USP46: variants seen among roughly 807,000 people sequenced by gnomAD.
The protein encoded by USP46 is ubiquitin specific peptidase 46, also known as ubiquitin carboxyl-terminal hydrolase 46.
Under a neutral mutation model 44.4 loss-of-function variants are expected in USP46, and 12 were observed. The ratio of observed to expected loss-of-function variants is 0.27; its 90% CI spans 0.17 to 0.44. The LOEUF is 0.44. Among genes scored for constraint, USP46 ranks in the 20% least tolerant of loss-of-function variants. USP46 has a pLI of 1.00. For missense variants in USP46, 248 were observed against 444.8 expected (o/e 0.56, Z 3.98); for synonymous variants, 155 against 161.5 (o/e 0.96, Z 0.31).
chr4:52,607,115 TC>T (rs774561027), intron 5 of USP46, among the ~76,000 whole-genome samples: 1 of 152,208 alleles, frequency 6.6e-6, no homozygotes, highest in Non-Finnish European at 1.5e-5. Context: ...AATCATTCAT[TC>T]CTACTCATTC....
At chr4:52,646,009 C>T (rs934613244) in intron 1 of USP46, among the ~76,000 whole-genome samples, 1 of 152,178 alleles carries the variant, frequency 6.6e-6, no homozygotes, top group African/African-American at 2.4e-5. Flanking sequence ...CCCAGTCATG[C>T]TTCCTGTTAA....
At chr4:52,656,378 T>C in intron 1 of USP46, 1 of 1,541,820 alleles carries the variant, frequency 6.5e-7, no homozygotes, top group Non-Finnish European at 8.8e-7. Context: ...AAGACAGCAG[T>C]TTCCTCATAC....
intron 1 of USP46, among the ~76,000 whole-genome samples, chr4:52,642,150 C>T (rs577126757): frequency 6.6e-6 from 1 of 152,146 alleles, no homozygotes; most frequent in African/African-American, 2.4e-5. Context: ...TCAGAAGACA[C>T]CTGACAGAAT....
chr4:52,606,148 G>A (rs1036220662), intron 5 of USP46, among the ~76,000 whole-genome samples: 1 of 152,098 alleles, frequency 6.6e-6, no homozygotes, highest in African/African-American at 2.4e-5. Flanking sequence ...AATATTTGTT[G>A]GTTGAATGAA....
chr4:52,654,115 C>T (rs1365782075), intron 1 of USP46, among the ~76,000 whole-genome samples: 1 of 152,118 alleles, frequency 6.6e-6, no homozygotes, highest in Non-Finnish European at 1.5e-5. Flanking sequence ...TGTCAGGTCC[C>T]GACCTAATAT....
rs1034124256 is a variant in USP46, at chr4:52,591,783, T to C, written c.*5857A>G. 6.6e-6 allele frequency: 1 copy of C among 152,204 alleles called. No homozygotes were observed. 9.4% of individuals were successfully genotyped at this position (152,204 alleles called of 1,614,324 possible). A position where few individuals can be genotyped will look rare whatever the true frequency, so the allele number is the denominator to read the frequency against. On this transcript the variant is annotated 3_prime_UTR_variant, in exon 9 of 9. Coordinates refer to ENST00000441222, the MANE Select transcript of USP46 (RefSeq NM_022832.4). The stretch of plus-strand genomic sequence containing the variant: ...GCACCAATAAATCGCTTATGCCCTA[T>C]CTTATTTTGGTAAGTCTAGATAGGC...
At chr4:52,620,416 G>A (rs545529753) in intron 4 of USP46, among the ~76,000 whole-genome samples, 12 of 151,956 alleles carry the variant, frequency 7.9e-5, no homozygotes, top group Admixed American at 6.6e-5. Flanking sequence ...TCTTCTTCAC[G>A]GCATCTTGCA....
In USP46 at chr4:52,595,105, C is replaced by T. The variant is rs1052047776; in HGVS notation, c.*2535G>A. 1.3e-5 allele frequency: 2 copies of T among 152,534 alleles called. No homozygotes were observed. The highest frequency in any genetic ancestry group is 2.4e-5 in the African/African-American group (1 of 41,420). 9.4% of individuals were successfully genotyped at this position (152,534 alleles called of 1,614,324 possible). On this transcript the variant is annotated 3_prime_UTR_variant, in exon 9 of 9. Transcript: ENST00000441222. Reference sequence around the variant, plus strand: ...AGCAGTTACAAGAAATACAGCAGGCCTACTCACTCCTGCAGATGACACACG... The same window carrying T: ...AGCAGTTACAAGAAATACAGCAGGCTTACTCACTCCTGCAGATGACACACG...
At chr4:52,601,807 A>T in intron 7 of USP46, 50 bp downstream of exon 7, 2 of 1,565,708 alleles carry the variant, frequency 1.3e-6, no homozygotes, top group Non-Finnish European at 1.7e-6. Flanking sequence ...TTCAGCGAAG[A>T]GGCAACCCTT....
chr4:52,620,691 A>G (rs562198532), intron 4 of USP46, among the ~76,000 whole-genome samples: 15 of 152,354 alleles, frequency 9.8e-5, no homozygotes, highest in Non-Finnish European at 2.1e-4. Flanking sequence ...GTAAAGTGGT[A>G]TAACCATTTT....
intron 1 of USP46, among the ~76,000 whole-genome samples, chr4:52,657,591 T>A (rs977883842): frequency 1.3e-5 from 2 of 152,130 alleles, no homozygotes; most frequent in Admixed American, 1.3e-4. Context: ...GATTCACAGT[T>A]CCCTCAGGAA....
At chr4:52,609,855 A>C (rs779693251) in intron 5 of USP46, among the ~76,000 whole-genome samples, 4 of 138,872 alleles carry the variant, frequency 2.9e-5, no homozygotes, top group Non-Finnish European at 4.6e-5. Context: ...ACATTTCTCC[A>C]GGAAAAAAAA....
At position 52,592,754 on chromosome 4, in the gene USP46, G is replaced by A. The variant is rs1444591395; in HGVS notation, c.*4886C>T. 30 of 396,630 alleles carry A rather than the reference G, an allele frequency of 7.6e-5. No individual in the cohort carries two copies. Among genetic ancestry groups the A allele is most frequent in the Non-Finnish European group, 1.2e-4 (27 of 225,352 alleles). 24.6% of individuals were successfully genotyped at this position (396,630 alleles called of 1,614,324 possible). On this transcript the variant is annotated 3_prime_UTR_variant, in exon 9 of 9. Coordinates refer to ENST00000441222, the MANE Select transcript of USP46 (RefSeq NM_022832.4). ...CTTGGGAGGCTGAGGCAGAAGAATC[G>A]CTTGAACTCGGGAGGCAGAGGTTGC... is the stretch of plus-strand genomic sequence containing the variant.
intron 1 of USP46, among the ~76,000 whole-genome samples, chr4:52,649,945 CTA>C: frequency 6.6e-6 from 1 of 152,156 alleles, no homozygotes; most frequent in Non-Finnish European, 1.5e-5. Flanking sequence ...CCCAGACTAC[CTA>C]TATCTACATA....
At position 52,596,099 on chromosome 4, in the gene USP46, A is replaced by G. The variant is rs1359972475; in HGVS notation, c.*1541T>C. ...TGCTTACTTAAGTTCTGAGCAATAAACAGTTCAAGATATTTCAAAGATAAG... is the reference window on the plus strand; with the variant it reads ...TGCTTACTTAAGTTCTGAGCAATAAGCAGTTCAAGATATTTCAAAGATAAG... On this transcript the variant is annotated 3_prime_UTR_variant, in exon 9 of 9. Coordinates refer to ENST00000441222, the MANE Select transcript of USP46 (RefSeq NM_022832.4). The G allele has an allele frequency of 6.6e-6, 1 of 152,650 alleles. No individual in the cohort carries two copies. The highest frequency in any genetic ancestry group is 2.4e-5 in the African/African-American group (1 of 41,464). The allele number at this position is 152,650 out of a possible 1,614,324, so 9.5% of individuals were successfully genotyped here. A position where few individuals can be genotyped will look rare whatever the true frequency, so the allele number is the denominator to read the frequency against.
chr4:52,630,228 A>G (rs2109635623), intron 2 of USP46, among the ~76,000 whole-genome samples: 1 of 152,318 alleles, frequency 6.6e-6, no homozygotes, highest in East Asian at 1.9e-4. Flanking sequence ...CCAGCCTTCT[A>G]CAAAGGAGGT....
intron 7 of USP46, 112 bp downstream of exon 7, chr4:52,601,745 G>T: frequency 1.8e-6 from 2 of 1,120,594 alleles, no homozygotes; most frequent in East Asian, 2.7e-5. Flanking sequence ...GTTTGGCAGA[G>T]ATCCCAAAAC....
At position 52,597,642 on chromosome 4, in the gene USP46, ACT is replaced by A; in HGVS notation, c.1097_1098del (p.Glu366ValfsTer67). On this transcript the variant is annotated frameshift_variant, in exon 9 of 9. Coordinates refer to ENST00000441222, the MANE Select transcript of USP46 (RefSeq NM_022832.4). LOFTEE classifies it high-confidence loss of function. Reference protein sequence around the residue: ...SGYILFYQSRE With the variant: ...SGYILFYQSRX The stretch of plus-strand genomic sequence containing the variant: ...AATCAGTCCCGCAGGTCTTTCAGTT[ACT>A]CTCTTGACTGATAGAATAAAATATA... 6.3e-7 allele frequency: 1 copy of A among 1,574,988 alleles called. No homozygotes were observed. The highest frequency in any genetic ancestry group is 1.2e-5 in the South Asian group (1 of 86,126).
chr4:52,641,482 G>A (rs899762662), intron 1 of USP46, among the ~76,000 whole-genome samples: 7 of 151,986 alleles, frequency 4.6e-5, no homozygotes, highest in African/African-American at 1.5e-4. Context: ...TGCATAAGAC[G>A]GATAAAGAAA....
Sources: allele counts gnomAD v4.1 joint callset (sites outside exome capture counted in the v4.1 genomes callset), GRCh38; gene constraint gnomAD v4.1.1; transcripts MANE v1.5; gene names NCBI Gene and HGNC (gene_info 2026-07-23, HGNC 2026-07-21).